ZNF260: variants seen among roughly 807,000 people sequenced by gnomAD.
The protein encoded by ZNF260 is zinc finger protein 260, also known as zfp-260.
A neutral mutation model predicts 29.3 loss-of-function variants in ZNF260; 21 were observed. The ratio of observed to expected loss-of-function variants is 0.72; its 90% CI spans 0.51 to 1.03. The LOEUF (loss-of-function observed/expected upper bound fraction) is 1.03. Ranked by LOEUF, ZNF260 falls within the 50% of genes least tolerant of loss-of-function variation. The pLI, the probability that ZNF260 is intolerant of heterozygous loss-of-function variation, is 0.00. For synonymous variants in ZNF260, 156 were observed against 156.8 expected (o/e 0.99, Z 0.04); for missense variants, 465 against 487.8 (o/e 0.95, Z 0.44).
chr19:36,526,795 A>G (rs1053149121), intron 1 of ZNF260, among the ~76,000 whole-genome samples: 5 of 152,230 alleles, frequency 3.3e-5, no homozygotes, highest in Non-Finnish European at 5.9e-5. Flanking sequence ...GAGCCTACAG[A>G]CACAGAGGGC....
At chr19:36,522,756 A>T (rs1235275879) in intron 2 of ZNF260, among the ~76,000 whole-genome samples, 1 of 152,202 alleles carries the variant, frequency 6.6e-6, no homozygotes, top group Non-Finnish European at 1.5e-5. Context: ...CAACCAGATA[A>T]TAAAGAGAGA....
rs2034537643 is a variant in ZNF260 at position 36,515,707 on chromosome 19, G to A, written c.-461-8C>T. The A allele has an allele frequency of 6.4e-6, 1 of 157,112 alleles. No individual in the cohort carries two copies. Among genetic ancestry groups the A allele is most frequent in the Non-Finnish European group, 1.5e-5 (1 of 68,334 alleles). 9.7% of individuals were successfully genotyped at this position (157,112 alleles called of 1,614,324 possible). A position where few individuals can be genotyped will look rare whatever the true frequency, so the allele number is the denominator to read the frequency against. Reference sequence around the variant, plus strand: ...AAACTTCCCAGGCTTCTTCTAAAAGGAAGTACAAAAAAATCATAATTGAAA... The same window carrying A: ...AAACTTCCCAGGCTTCTTCTAAAAGAAAGTACAAAAAAATCATAATTGAAA... On this transcript the variant is annotated splice_region_variant and splice_polypyrimidine_tract_variant and intron_variant, in intron 2 of 2. Transcript: ENST00000523638.
chr19:36,518,462 T>C (rs1435186221), intron 2 of ZNF260, among the ~76,000 whole-genome samples: 1 of 152,186 alleles, frequency 6.6e-6, no homozygotes, highest in Non-Finnish European at 1.5e-5. Context: ...AAGAGGTGTT[T>C]TTAGAAATAA....
rs1221666570 is a variant in ZNF260, at chr19:36,510,714, G to T, written c.*3286C>A. The T allele has an allele frequency of 6.6e-6, 1 of 152,108 alleles. No individual in the cohort carries two copies. Among genetic ancestry groups the T allele is most frequent in the Non-Finnish European group, 1.5e-5 (1 of 68,018 alleles). 9.4% of individuals were successfully genotyped at this position (152,108 alleles called of 1,614,324 possible). A position where few individuals can be genotyped will look rare whatever the true frequency, so the allele number is the denominator to read the frequency against. ...AGGGGTGATTACATGAATTTTTATT[G>T]TACCATTTCTTATGGTGGCAAATAA... On this transcript the variant is annotated 3_prime_UTR_variant, in exon 3 of 3. Coordinates refer to ENST00000523638, the MANE Select transcript of ZNF260 (RefSeq NM_001166037.2).
chr19:36,515,420 CA>C lies in ZNF260; in HGVS notation c.-183del. 1 of 568,346 alleles carries C rather than the reference CA, an allele frequency of 1.8e-6. No individual in the cohort carries two copies. The highest frequency in any genetic ancestry group is 3.0e-6 in the Non-Finnish European group (1 of 331,820). 35.2% of individuals were successfully genotyped at this position (568,346 alleles called of 1,614,324 possible). On this transcript the variant is annotated 5_prime_UTR_variant, in exon 3 of 3. The change abolishes the stop of an existing upstream ORF in the 5' untranslated region. Transcript: ENST00000523638. ...TGATTACCCTGAGATGAGATGATTA[CA>C]AAAAGGGATAAAATGTAACATTCTC... is the stretch of plus-strand genomic sequence containing the variant.
Position 36,515,268 on chromosome 19 carries a change from A to G in ZNF260, c.-30T>C. ...GTGAATTTAATCAGGAGATTTCCCT[A>G]GTATCAAATAAGATGTAATAAGGAT... is the stretch of plus-strand genomic sequence containing the variant. On this transcript the variant is annotated 5_prime_UTR_variant, in exon 3 of 3. Transcript: ENST00000523638. 1 of 1,504,702 alleles carries G rather than the reference A, an allele frequency of 6.6e-7. No homozygotes were observed. The highest frequency in any genetic ancestry group is 8.9e-7 in the Non-Finnish European group (1 of 1,127,064). 93.2% of individuals were successfully genotyped at this position (1,504,702 alleles called of 1,614,324 possible). A position where few individuals can be genotyped will look rare whatever the true frequency, so the allele number is the denominator to read the frequency against.
In ZNF260 at chr19:36,514,941, A is replaced by G. The variant is rs781768749; in HGVS notation, c.298T>C (p.Ser100Pro). The change falls in exon 3 of 3, where the codon TCT (serine) becomes CCT (proline). Residue 100 changes from serine to proline, a missense_variant. Ser to Pro is a moderately conservative substitution (Grantham distance 74). Coordinates refer to ENST00000523638, the MANE Select transcript of ZNF260 (RefSeq NM_001166037.2). ...KAFSQKENFLSHQKHHTGEKP... is the reference protein window; with the variant it reads ...KAFSQKENFLPHQKHHTGEKP... ...TCTCCAGTGTGATGTTTCTGATGAG[A>G]AAGGAAGTTTTCCTTCTGGCTGAAG... 1.2e-6 allele frequency: 2 copies of G among 1,613,362 alleles called. No homozygotes were observed. Among genetic ancestry groups the G allele is most frequent in the Admixed American group, 3.3e-5 (2 of 59,960 alleles).
chr19:36,526,805 CTGACTGTTCA>C (rs1049947024), intron 1 of ZNF260, among the ~76,000 whole-genome samples: 65 of 152,272 alleles, frequency 4.3e-4, no homozygotes, highest in African/African-American at 1.5e-3. Flanking sequence ...ACACAGAGGG[CTGACTGTTCA>C]TTCACTGATT....
Position 36,512,263 on chromosome 19 carries a change from T to C in ZNF260, c.*1737A>G, listed in dbSNP as rs1429647440. The C allele has an allele frequency of 6.6e-6, 1 of 152,202 alleles. No homozygotes were observed. The highest frequency in any genetic ancestry group is 1.5e-5 in the Non-Finnish European group (1 of 68,032). 9.4% of individuals were successfully genotyped at this position (152,202 alleles called of 1,614,324 possible). A position where few individuals can be genotyped will look rare whatever the true frequency, so the allele number is the denominator to read the frequency against. On this transcript the variant is annotated 3_prime_UTR_variant, in exon 3 of 3. Transcript: ENST00000523638. ...GATTTTAGAAATATCTTCTACAGAA[T>C]ATTAGTATCTGACTAGGAATGTAAG...
At position 36,514,766 on chromosome 19, in the gene ZNF260, T is replaced by C. The variant is rs559722989; in HGVS notation, c.473A>G (p.His158Arg). 1.2e-5 allele frequency: 19 copies of C among 1,613,776 alleles called. No homozygotes were observed. The African/African-American group carries it at 2.3e-4, about 19-fold the overall frequency. ...KAYLTEHEKI[H>R]TGEKPFECNQ... ...ACATTCAAATGGTTTTTCTCCAGTATGAATTTTCTCATGCTCAGTGAGATA... is the reference window on the plus strand; with the variant it reads ...ACATTCAAATGGTTTTTCTCCAGTACGAATTTTCTCATGCTCAGTGAGATA... Residue 158 changes from histidine to arginine, a missense_variant, in exon 3 of 3, where the codon CAT (histidine) becomes CGT (arginine). Transcript: ENST00000523638.
chr19:36,513,596 A>G lies in ZNF260; in HGVS notation c.*404T>C, dbSNP rs537766606. 4.9e-6 allele frequency: 2 copies of G among 407,878 alleles called. No individual in the cohort carries two copies. The highest frequency in any genetic ancestry group is 4.3e-6 in the Non-Finnish European group (1 of 230,478). 25.3% of individuals were successfully genotyped at this position (407,878 alleles called of 1,614,324 possible). A position where few individuals can be genotyped will look rare whatever the true frequency, so the allele number is the denominator to read the frequency against. ...AGTTTTATGACTGCTTCAACAACAA[A>G]TAATTTTGATGATTCTAGTTTTACA... On this transcript the variant is annotated 3_prime_UTR_variant, in exon 3 of 3. Coordinates refer to ENST00000523638, the MANE Select transcript of ZNF260 (RefSeq NM_001166037.2).
chr19:36,513,018 TGA>T lies in ZNF260; in HGVS notation c.*980_*981del, dbSNP rs1382946013. 1.3e-5 allele frequency: 2 copies of T among 152,212 alleles called. No homozygotes were observed. The highest frequency in any genetic ancestry group is 2.9e-5 in the Non-Finnish European group (2 of 68,036). The allele number at this position is 152,212 out of a possible 1,614,324, so 9.4% of individuals were successfully genotyped here. ...TTGAGAACAGTACAATAAGGTATTCTGAGAGAAAGATCATATTCACATAACTT... is the reference window on the plus strand; with the variant it reads ...TTGAGAACAGTACAATAAGGTATTCTGAGAAAGATCATATTCACATAACTT... On this transcript the variant is annotated 3_prime_UTR_variant, in exon 3 of 3. Transcript: ENST00000523638.
intron 1 of ZNF260, among the ~76,000 whole-genome samples, 177 bp downstream of exon 1, chr19:36,528,042 C>A (rs1269583226): frequency 6.6e-6 from 1 of 152,100 alleles, no homozygotes; most frequent in Non-Finnish European, 1.5e-5. Flanking sequence ...CGAACCCACC[C>A]GAACTGTACC....
Position 36,514,337 on chromosome 19 carries a change from T to G in ZNF260, c.902A>C (p.Glu301Ala), listed in dbSNP as rs1355206058. 1 of 1,614,148 alleles carries G rather than the reference T, an allele frequency of 6.2e-7. No individual in the cohort carries two copies. The highest frequency in any genetic ancestry group is 2.2e-5 in the East Asian group (1 of 44,876). ...LIKHHNIHTG[E>A]KPYECNKCGK... ...ACATTTATTACATTCATAGGGTTTC[T>G]CTCCTGTATGAATATTGTGATGTTT... is the stretch of plus-strand genomic sequence containing the variant. Residue 301 changes from glutamate (E) to alanine (A), a missense_variant, in exon 3 of 3, where the codon GAG (glutamate) becomes GCG (alanine). Physicochemically the swap from Glu to Ala is moderately radical, Grantham distance 107. Coordinates refer to ENST00000523638, the MANE Select transcript of ZNF260 (RefSeq NM_001166037.2).
chr19:36,516,288 T>C (rs1407487009), intron 2 of ZNF260, among the ~76,000 whole-genome samples: 1 of 152,152 alleles, frequency 6.6e-6, no homozygotes, highest in Non-Finnish European at 1.5e-5. Context: ...GCACACTTCA[T>C]AAATCAGTAA....
intron 2 of ZNF260, among the ~76,000 whole-genome samples, chr19:36,523,196 T>A (rs564687985): frequency 6.6e-6 from 1 of 151,866 alleles, no homozygotes; most frequent in South Asian, 2.1e-4. Flanking sequence ...TCTCTTTCAG[T>A]CAGATTGCAC....
At position 36,514,763 on chromosome 19, in the gene ZNF260, G is replaced by T; in HGVS notation, c.476C>A (p.Thr159Asn). ...AYLTEHEKIHTGEKPFECNQC... is the reference protein window; with the variant it reads ...AYLTEHEKIHNGEKPFECNQC... ...ATTACATTCAAATGGTTTTTCTCCA[G>T]TATGAATTTTCTCATGCTCAGTGAG... Residue 159 changes from threonine (T) to asparagine (N), a missense_variant, in exon 3 of 3, where the codon ACT becomes AAT. Coordinates refer to ENST00000523638, the MANE Select transcript of ZNF260 (RefSeq NM_001166037.2). 1 of 1,613,372 alleles carries T rather than the reference G, an allele frequency of 6.2e-7. No individual in the cohort carries two copies. Among genetic ancestry groups the T allele is most frequent in the Non-Finnish European group, 8.5e-7 (1 of 1,179,934 alleles).
At chr19:36,526,271 T>C (rs2034731820) in intron 1 of ZNF260, among the ~76,000 whole-genome samples, 1 of 152,156 alleles carries the variant, frequency 6.6e-6, no homozygotes, top group Admixed American at 6.5e-5. Flanking sequence ...CCAGGCATGG[T>C]GGCTCACGCC....
At chr19:36,521,627 T>A (rs1171623494) in intron 2 of ZNF260, among the ~76,000 whole-genome samples, 1 of 151,476 alleles carries the variant, frequency 6.6e-6, no homozygotes, top group Non-Finnish European at 1.5e-5. Context: ...GTGGTGGGCA[T>A]CTGTAAATTC....
Sources: gnomAD v4.1 joint callset for allele counts (sites outside exome capture counted in the v4.1 genomes callset) on GRCh38, gnomAD v4.1.1 for gene constraint, MANE v1.5 for transcripts, NCBI Gene and HGNC (gene_info 2026-07-23, HGNC 2026-07-21) for gene names.